Variants in FARP1 observed in about 807,000 individuals in gnomAD.
FARP1 encodes the protein FERM, ARH/RhoGEF and pleckstrin domain protein 1.
Under a neutral mutation model 128.8 loss-of-function variants are expected in FARP1, and 52 were observed. That is an observed-to-expected ratio of 0.40 (90% confidence interval 0.32 to 0.51). The LOEUF is 0.51. FARP1 is among the 20% of genes least tolerant of loss of function. FARP1 has a pLI of 0.45. For synonymous variants in FARP1, 580 were observed against 551.8 expected, an observed-to-expected ratio of 1.05 and a Z score of -0.72; for missense variants, 1,333 against 1,367.9, an observed-to-expected ratio of 0.97 and a Z score of 0.40.
chr13:98,349,125 C>T (rs1167721525), intron 3 of FARP1, among the ~76,000 whole-genome samples: 3 of 152,208 alleles, frequency 2.0e-5, no homozygotes, highest in African/African-American at 7.2e-5. Context: ...TTGTGGCTTG[C>T]ATATCTGTTT....
intron 4 of FARP1, among the ~76,000 whole-genome samples, chr13:98,367,016 AG>A (rs1277576863): frequency 2.6e-5 from 4 of 152,336 alleles, no homozygotes; most frequent in East Asian, 1.9e-4. Flanking sequence ...ATTTCATTAT[AG>A]TACCTTATAT....
At chr13:98,318,059 C>T (rs1482796600) in intron 2 of FARP1, among the ~76,000 whole-genome samples, 3 of 144,598 alleles carry the variant, frequency 2.1e-5, no homozygotes, top group Non-Finnish European at 4.5e-5. Flanking sequence ...TTCCTTCCTT[C>T]TCCTCCTCCT....
intron 1 of FARP1, chr13:98,204,298 A>G (rs1389823016): frequency 6.6e-6 from 1 of 152,202 alleles, no homozygotes; most frequent in East Asian, 1.9e-4. Flanking sequence ...GCATTTCCTA[A>G]TGATTAATGA....
intron 3 of FARP1, 68 bp downstream of exon 3, chr13:98,343,934 C>T (rs2139877492): frequency 9.9e-7 from 1 of 1,007,758 alleles, no homozygotes; most frequent in East Asian, 2.4e-5. Flanking sequence ...TGGGCAGGGG[C>T]CAGTCTAAAT....
intron 1 of FARP1, among the ~76,000 whole-genome samples, chr13:98,150,923 T>C (rs1566666418): frequency 1.3e-5 from 2 of 151,998 alleles, no homozygotes; most frequent in African/African-American, 4.8e-5. Flanking sequence ...GAATGAAAAA[T>C]GGGTGCCTTG....
intron 3 of FARP1, among the ~76,000 whole-genome samples, chr13:98,353,579 T>C (rs1197663275): frequency 2.0e-5 from 3 of 152,176 alleles, no homozygotes; most frequent in African/African-American, 2.4e-5. Flanking sequence ...GGTTTCTCCA[T>C]GTTGGTCAGG....
chr13:98,195,710 C>A (rs1879530341), intron 1 of FARP1, among the ~76,000 whole-genome samples: 1 of 152,100 alleles, frequency 6.6e-6, no homozygotes, highest in South Asian at 2.1e-4. Flanking sequence ...AAGACATTTA[C>A]AACTTTCATA....
At chr13:98,386,193 T>TCTTTC (rs1555342703) in intron 8 of FARP1, among the ~76,000 whole-genome samples, 1 of 147,750 alleles carries the variant, frequency 6.8e-6, no homozygotes, top group East Asian at 2.0e-4. Flanking sequence ...GATCCTTTTT[T>TCTTTC]TTTTTTTTTT....
At chr13:98,243,120 GTTAC>G (rs2139455906) in intron 2 of FARP1, among the ~76,000 whole-genome samples, 1 of 152,234 alleles carries the variant, frequency 6.6e-6, no homozygotes, top group South Asian at 2.1e-4. Flanking sequence ...TCTTTTCAGT[GTTAC>G]TTACTGTGAT....
At chr13:98,407,240 C>T (rs79095086) in intron 13 of FARP1, 2 of 152,782 alleles carry the variant, frequency 1.3e-5, no homozygotes, top group African/African-American at 4.8e-5. Flanking sequence ...AACAACTCTC[C>T]AACAGCAACT....
chr13:98,295,341 C>T (rs1885639249), intron 2 of FARP1, among the ~76,000 whole-genome samples: 1 of 152,018 alleles, frequency 6.6e-6, no homozygotes, highest in African/African-American at 2.4e-5. Context: ...CAGGCAATGC[C>T]ACGAGACTCG....
At chr13:98,226,337 C>G (rs1369366321) in intron 2 of FARP1, among the ~76,000 whole-genome samples, 1 of 152,208 alleles carries the variant, frequency 6.6e-6, no homozygotes, top group Non-Finnish European at 1.5e-5. Context: ...GCAAGTGTTT[C>G]TGTATTTTCC....
chr13:98,435,690 T>G lies in FARP1; in HGVS notation c.2258T>G (p.Leu753Arg). The G allele has an allele frequency of 6.2e-7, 1 of 1,614,134 alleles. No homozygotes were observed. Among genetic ancestry groups the G allele is most frequent in the African/African-American group, 1.3e-5 (1 of 75,052 alleles). Reference sequence around the variant, plus strand: ...AAAGATTTGATTGGCATTGACAATCTTGTGGTTCCGGGAAGGGTAAGCAGC... The same window carrying G: ...AAAGATTTGATTGGCATTGACAATCGTGTGGTTCCGGGAAGGGTAAGCAGC... ...LKKDLIGIDNLVVPGREFIRL... is the reference protein window; with the variant it reads ...LKKDLIGIDNRVVPGREFIRL... Residue 753 changes from leucine to arginine, a missense_variant, in exon 19 of 27, where the codon CTT becomes CGT. By Grantham distance (102) the Leu-to-Arg change is moderately radical. This residue lies in a region of FARP1 where 1,009 missense variants were observed against 969.8 expected (regional missense o/e 1.04). Transcript: ENST00000319562.
intron 2 of FARP1, among the ~76,000 whole-genome samples, chr13:98,322,026 G>A (rs1234804186): frequency 6.6e-6 from 1 of 152,224 alleles, no homozygotes. Flanking sequence ...GGCCAGGAGC[G>A]GTGGCTCACG....
rs1370644022 is a variant in FARP1, at chr13:98,449,651, G to A, written c.*1334G>A. The A allele has an allele frequency of 2.0e-5, 3 of 152,616 alleles. No individual in the cohort carries two copies. Among genetic ancestry groups the A allele is most frequent in the African/African-American group, 7.2e-5 (3 of 41,444 alleles). The allele number at this position is 152,616 out of a possible 1,614,324, so 9.5% of individuals were successfully genotyped here. A position where few individuals can be genotyped will look rare whatever the true frequency, so the allele number is the denominator to read the frequency against. Reference sequence around the variant, plus strand: ...ACAGCAACTTGCAAACGGACGAAGAGCCTGCCGTGTGTTAATCATTTGCCT... The same window carrying A: ...ACAGCAACTTGCAAACGGACGAAGAACCTGCCGTGTGTTAATCATTTGCCT... On this transcript the variant is annotated 3_prime_UTR_variant, in exon 27 of 27. Coordinates refer to ENST00000319562, the MANE Select transcript of FARP1 (RefSeq NM_005766.4).
intron 2 of FARP1, among the ~76,000 whole-genome samples, chr13:98,312,285 C>T (rs187056968): frequency 8.3e-4 from 126 of 152,040 alleles, no homozygotes; most frequent in Middle Eastern, 6.8e-3. Flanking sequence ...GGACTACAGG[C>T]GCCCGCTACC....
intron 1 of FARP1, among the ~76,000 whole-genome samples, chr13:98,182,422 C>T (rs553550937): frequency 1.3e-5 from 2 of 152,224 alleles, no homozygotes; most frequent in African/African-American, 4.8e-5. Flanking sequence ...CCCTCCTGGA[C>T]TCAAGTGATC....
chr13:98,384,093 T>G (rs1417694231), intron 6 of FARP1: 2 of 151,030 alleles, frequency 1.3e-5, no homozygotes, highest in African/African-American at 2.4e-5. Flanking sequence ...CACCCACATG[T>G]GTAGAATTTA....
intron 2 of FARP1, among the ~76,000 whole-genome samples, chr13:98,293,302 G>A (rs992478147): frequency 1.3e-5 from 2 of 152,168 alleles, no homozygotes; most frequent in Non-Finnish European, 2.9e-5. Context: ...ACAGGGCTGG[G>A]TCAGGGATGC....
Sources: gnomAD v4.1 joint callset for allele counts (sites outside exome capture counted in the v4.1 genomes callset) on GRCh38, gnomAD v4.1.1 for gene constraint, gnomAD v4.1.1 regional missense constraint, MANE v1.5 for transcripts, NCBI Gene and HGNC (gene_info 2026-07-23, HGNC 2026-07-21) for gene names.